The following DHRSX variants were observed in gnomAD, a reference collection of about 807,000 sequenced individuals.
DHRSX encodes the protein polyprenol dehydrogenase.
DHRSX carries 31 observed loss-of-function variants against 34.0 expected under a neutral mutation model. That is an observed-to-expected ratio of 0.91 (90% CI 0.69 to 1.23). The LOEUF (loss-of-function observed/expected upper bound fraction) is 1.23. Ranked by LOEUF, DHRSX falls within the 50% of genes most tolerant of loss-of-function variation. The pLI, the probability that DHRSX is intolerant of heterozygous loss-of-function variation, is 0.00. For missense variants in DHRSX, 414 were observed against 428.1 expected, an observed-to-expected ratio of 0.97 and a Z score of 0.29; for synonymous variants, 201 against 183.8, an observed-to-expected ratio of 1.09 and a Z score of -0.76.
At chrX:2,322,512 G>C (rs1299476863) in intron 3 of DHRSX, among the ~76,000 whole-genome samples, 1 of 145,762 alleles carries the variant, frequency 6.9e-6, no homozygotes, top group Non-Finnish European at 1.5e-5. Context: ...TCACACCACT[G>C]AACTCCAGCC....
At chrX:2,298,601 T>TACACACACACACACACAC (rs747078260) in intron 3 of DHRSX, among the ~76,000 whole-genome samples, 1 of 131,758 alleles carries the variant, frequency 7.6e-6, no homozygotes, top group Admixed American at 6.9e-5. Context: ...GGCGCGTGTG[T>TACACACACACACACACAC]ACACACACAC....
chrX:2,297,730 A>C (rs62595536), intron 3 of DHRSX, among the ~76,000 whole-genome samples: 104,839 of 150,860 alleles, frequency 0.69, 37,395 homozygotes, highest in Middle Eastern at 0.8. Context: ...GGATGACAGG[A>C]GTGCGGAGTT....
intron 2 of DHRSX, 54 bp downstream of exon 2, chrX:2,425,143 A>AG (rs1440435743): frequency 7.1e-6 from 7 of 985,366 alleles, no homozygotes; most frequent in Non-Finnish European, 8.4e-6. Flanking sequence ...CCTGTCTCAG[A>AG]AAAAAAAAAA....
At chrX:2,238,586 CT>C (rs758589373) in intron 6 of DHRSX, among the ~76,000 whole-genome samples, 336 of 142,162 alleles carry the variant, frequency 2.4e-3, no homozygotes, top group Middle Eastern at 3.6e-3. Context: ...TTTCTTCTTT[CT>C]TTTTTTTTTT....
intron 3 of DHRSX, among the ~76,000 whole-genome samples, chrX:2,310,149 G>C (rs2042145761): frequency 6.6e-6 from 1 of 152,046 alleles, no homozygotes; most frequent in Non-Finnish European, 1.5e-5. Flanking sequence ...TCCCGCACTT[G>C]TGGGTAGCAA....
At chrX:2,433,969 A>G (rs763246117) in intron 1 of DHRSX, among the ~76,000 whole-genome samples, 10 of 151,924 alleles carry the variant, frequency 6.6e-5, no homozygotes, top group South Asian at 2.1e-4. Flanking sequence ...TAGTAGAGAC[A>G]GGGTTTCACT....
chrX:2,360,076 T>C (rs932582675), intron 3 of DHRSX, among the ~76,000 whole-genome samples: 1 of 152,090 alleles, frequency 6.6e-6, no homozygotes, highest in Non-Finnish European at 1.5e-5. Context: ...AAATGGTTTT[T>C]AAAAATTATG....
intron 3 of DHRSX, among the ~76,000 whole-genome samples, chrX:2,304,355 G>GGATGAACT: frequency 1.3e-5 from 2 of 151,620 alleles, no homozygotes; most frequent in African/African-American, 2.4e-5. Context: ...ATGGATGGAT[G>GGATGAACT]GATGGATAGA....
In DHRSX at chrX:2,386,156, ATTATTTAT is replaced by A. The variant is rs768572407; in HGVS notation, c.286+22581_286+22588del. Among the ~76,000 whole-genome samples, 1,281 of 143,986 alleles carry A rather than the reference ATTATTTAT, an allele frequency of 8.9e-3. 10 individuals are homozygous for A. The highest frequency in any genetic ancestry group is 0.015 in the African/African-American group (577 of 39,118). The allele number at this position is 143,986 out of a possible 152,430, so 94.5% of individuals were successfully genotyped here. ...TTTGGAAAAAGTATATAGATAATCA[ATTATTTAT>A]TTATTTATTTATTTATTTATTTATT... On this transcript the variant is annotated intron_variant, in intron 3 of 6. Transcript: ENST00000334651.
intron 3 of DHRSX, among the ~76,000 whole-genome samples, chrX:2,353,969 A>G (rs975906130): frequency 6.6e-6 from 1 of 152,174 alleles, no homozygotes; most frequent in East Asian, 1.9e-4. Context: ...AGGAGAGCCC[A>G]GGAAGAAGGC....
At chrX:2,450,646 C>T (rs1277408666) in intron 1 of DHRSX, among the ~76,000 whole-genome samples, 1 of 151,826 alleles carries the variant, frequency 6.6e-6, no homozygotes, top group Non-Finnish European at 1.5e-5. Flanking sequence ...AGCCCAAGTC[C>T]CACGTATATT....
intron 3 of DHRSX, among the ~76,000 whole-genome samples, chrX:2,383,581 T>C (rs1205064577): frequency 6.6e-6 from 1 of 152,202 alleles, no homozygotes; most frequent in Non-Finnish European, 1.5e-5. Flanking sequence ...GCAGCTGTCA[T>C]TCATGAGATC....
At chrX:2,249,963 A>G (rs1375584778) in intron 5 of DHRSX, among the ~76,000 whole-genome samples, 1 of 151,550 alleles carries the variant, frequency 6.6e-6, no homozygotes, top group African/African-American at 2.4e-5. Context: ...GGAGATCGAG[A>G]CCATCCTGGC....
At chrX:2,397,686 A>G (rs1435584253) in intron 3 of DHRSX, among the ~76,000 whole-genome samples, 5 of 152,058 alleles carry the variant, frequency 3.3e-5, no homozygotes, top group African/African-American at 7.2e-5. Context: ...TCTGTTAAAT[A>G]GCGCGTAGAA....
At chrX:2,235,792 A>C (rs895418833) in intron 6 of DHRSX, among the ~76,000 whole-genome samples, 1 of 149,598 alleles carries the variant, frequency 6.7e-6, no homozygotes, top group African/African-American at 2.5e-5. Context: ...GTACTCTTTA[A>C]ATTTATAATA....
At chrX:2,308,385 GACAATTGTTCGACAATTGTTTTA>G (rs990127871) in intron 3 of DHRSX, among the ~76,000 whole-genome samples, 28 of 149,504 alleles carry the variant, frequency 1.9e-4, no homozygotes, top group Admixed American at 1.5e-3. Context: ...ACAACTGTTC[GACAATTGTTCGACAATTGTTTTA>G]ACAATTGTTC....
At position 2,266,873 on chromosome X, in the gene DHRSX, GC is replaced by G. The variant is rs1202090228; in HGVS notation, c.462del (p.His155ThrfsTer4). 1 of 1,613,968 alleles carries G rather than the reference GC, an allele frequency of 6.2e-7. No homozygotes were observed. Among genetic ancestry groups the G allele is most frequent in the Non-Finnish European group, 8.5e-7 (1 of 1,179,860 alleles). On this transcript the variant is annotated frameshift_variant, in exon 5 of 7. Transcript: ENST00000334651. LOFTEE classifies it high-confidence loss of function. The part of the protein sequence containing the change: ...FEEHFGLNYL[G>X]HFLLTNLLLD... The stretch of plus-strand genomic sequence containing the variant: ...AAGAGAAGGTTGGTCAGCAGGAAGT[GC>G]CCTAGGTAGTTCAGGCCGAAATGTT...
chrX:2,257,187 C>T lies in DHRSX; in HGVS notation c.596+9553G>A, dbSNP rs2041291378. Among the ~76,000 whole-genome samples, 7 of 152,248 alleles carry T rather than the reference C, an allele frequency of 4.6e-5. 1 individual carries two copies. Among genetic ancestry groups the T allele is most frequent in the Admixed American group, 4.6e-4 (7 of 15,276 alleles). On this transcript the variant is annotated intron_variant, in intron 5 of 6. Coordinates refer to ENST00000334651, the MANE Select transcript of DHRSX (RefSeq NM_145177.3). ...GCCAGGCTGGTCTTGAACTCCTGAC[C>T]TTGTGATCCACCTGCCTCGGCCTCC...
At chrX:2,323,524 A>AG (rs1478233648) in intron 3 of DHRSX, among the ~76,000 whole-genome samples, 1 of 152,162 alleles carries the variant, frequency 6.6e-6, no homozygotes, top group Non-Finnish European at 1.5e-5. Context: ...GCACTTTAAG[A>AG]GGCCCAGGTG....
Sources: allele counts gnomAD v4.1 joint callset (sites outside exome capture counted in the v4.1 genomes callset), GRCh38; gene constraint gnomAD v4.1.1; transcripts MANE v1.5; gene names NCBI Gene and HGNC (gene_info 2026-07-23, HGNC 2026-07-21).